The following DNM2 variants were observed in gnomAD, a reference collection of about 807,000 sequenced individuals.
DNM2 encodes the protein dynamin-2.
Under a neutral mutation model 99.0 loss-of-function variants are expected in DNM2, and 15 were observed. The ratio of observed to expected loss-of-function variants is 0.15; its 90% CI spans 0.10 to 0.23. DNM2 has a LOEUF of 0.23. DNM2 is among the 10% of genes least tolerant of loss of function. The pLI, the probability that DNM2 is intolerant of heterozygous loss-of-function variation, is 1.00. For missense variants in DNM2, 742 were observed against 1,189.4 expected, an observed-to-expected ratio of 0.62 and a Z score of 5.53; for synonymous variants, 525 against 481.2, an observed-to-expected ratio of 1.09 and a Z score of -1.19.
chr19:10,733,447 C>G (rs1437458713), intron 1 of DNM2, among the ~76,000 whole-genome samples: 2 of 151,930 alleles, frequency 1.3e-5, no homozygotes, highest in African/African-American at 4.8e-5. Flanking sequence ...CCTGCCTCAG[C>G]CTCCCAAAGT....
intron 18 of DNM2, among the ~76,000 whole-genome samples, chr19:10,825,816 T>C (rs546971565): frequency 1.4e-5 from 2 of 143,196 alleles, no homozygotes; most frequent in Non-Finnish European, 3.0e-5. Context: ...ATCGTGCCAC[T>C]GCACTCCAGC....
Position 10,779,984 on chromosome 19 carries a change from C to T in DNM2, c.688+2768C>T, listed in dbSNP as rs192551136. On this transcript the variant is annotated intron_variant, in intron 5 of 20. Coordinates refer to ENST00000389253, the MANE Select transcript of DNM2 (RefSeq NM_001005361.3). ...TTGTGTTTTTTTAAAGCCATTCCTC[C>T]CCTCTGGCATCTACTCTAAGCTGCG... 1.4e-3 allele frequency among the ~76,000 whole-genome samples: 212 copies of T among 152,216 alleles called. 1 individual carries two copies. Among genetic ancestry groups the T allele is most frequent in the African/African-American group, 4.8e-3 (200 of 41,550 alleles).
In DNM2 at chr19:10,796,094, G is replaced by A. The variant is rs752497841; in HGVS notation, c.1196+655G>A. On this transcript the variant is annotated intron_variant, in intron 9 of 20. Coordinates refer to ENST00000389253, the MANE Select transcript of DNM2 (RefSeq NM_001005361.3). The surrounding 1 kb of genome is among the most constrained non-coding windows in gnomAD (Gnocchi z 5.6). ...TTTTCACCCCGGACTTGGCATTCGA[G>A]GCCATTGTGAAAAAGCAGGTCGTCA... The A allele has an allele frequency of 2.5e-6, 4 of 1,614,062 alleles. No individual in the cohort carries two copies. Among genetic ancestry groups the A allele is most frequent in the Non-Finnish European group, 1.7e-6 (2 of 1,180,026 alleles).
chr19:10,731,836 C>G (rs544720592), intron 1 of DNM2, among the ~76,000 whole-genome samples: 12 of 152,386 alleles, frequency 7.9e-5, no homozygotes, highest in African/African-American at 2.4e-4. Flanking sequence ...TCTGTGGTGC[C>G]TGCCCTGGTG....
At chr19:10,751,391 T>C (rs1039065135) in intron 1 of DNM2, among the ~76,000 whole-genome samples, 5 of 152,044 alleles carry the variant, frequency 3.3e-5, no homozygotes, top group African/African-American at 4.8e-5. Context: ...ACTCTCAGAA[T>C]GCGGATGGGA....
chr19:10,775,734 T>A lies in DNM2; in HGVS notation c.417T>A (p.Gly139=), dbSNP rs1251651902. Reference sequence around the variant, plus strand: ...ACTTGACCCTCATCGACCTCCCGGGTATCACCAAGGTGCCTGTGGGCGACC... The same window carrying A: ...ACTTGACCCTCATCGACCTCCCGGGAATCACCAAGGTGCCTGTGGGCGACC... The part of the protein sequence containing the change: ...VLNLTLIDLP[G]ITKVPVGDQP... The change falls in exon 4 of 21, where the codon GGT becomes GGA. Residue 139 remains glycine (G), a synonymous_variant. Transcript: ENST00000389253. This position sits in a 1 kb window ranked among gnomAD's most constrained non-coding sequence, Gnocchi z 4.3. 1.9e-6 allele frequency: 3 copies of A among 1,613,982 alleles called. No individual in the cohort carries two copies. Among genetic ancestry groups the A allele is most frequent in the East Asian group, 4.5e-5 (2 of 44,854 alleles).
chr19:10,782,941 T>C lies in DNM2; in HGVS notation c.689-19T>C, dbSNP rs746698179. 17 of 1,613,860 alleles carry C rather than the reference T, an allele frequency of 1.1e-5. No homozygotes were observed. The African/African-American group carries it at 2.1e-4, about 20-fold the overall frequency. On this transcript the variant is annotated intron_variant, in intron 5 of 20. Transcript: ENST00000389253. Reference sequence around the variant, plus strand: ...GGCTCACCTAGCTTTGCCCCTGACCTGACTGCCTCTCCCCACAGGCTACAT... The same window carrying C: ...GGCTCACCTAGCTTTGCCCCTGACCCGACTGCCTCTCCCCACAGGCTACAT...
At chr19:10,814,971 C>T (rs1401092734) in intron 15 of DNM2, among the ~76,000 whole-genome samples, 1 of 152,222 alleles carries the variant, frequency 6.6e-6, no homozygotes, top group Non-Finnish European at 1.5e-5. Flanking sequence ...GTGTTTTTCT[C>T]ATTGTCCTGG....
chr19:10,775,659 C>G lies in DNM2; in HGVS notation c.386-44C>G. The stretch of plus-strand genomic sequence containing the variant: ...TGGCTGCGGGCCTGTTTGTGCCTCC[C>G]CTCTCCTGGCTCTGAATGCCTTTCC... On this transcript the variant is annotated intron_variant, in intron 3 of 20. Transcript: ENST00000389253. This position sits in a 1 kb window ranked among gnomAD's most constrained non-coding sequence, Gnocchi z 4.3. The G allele has an allele frequency of 6.2e-7, 1 of 1,611,826 alleles. No homozygotes were observed. Among genetic ancestry groups the G allele is most frequent in the African/African-American group, 1.3e-5 (1 of 75,000 alleles).
intron 1 of DNM2, among the ~76,000 whole-genome samples, chr19:10,723,857 C>T (rs2069021634): frequency 6.6e-6 from 1 of 152,118 alleles, no homozygotes; most frequent in African/African-American, 2.4e-5. Flanking sequence ...TCTTTGGGAT[C>T]CAGGCGGGAG....
chr19:10,800,558 C>T (rs766336572), intron 11 of DNM2, among the ~76,000 whole-genome samples: 15 of 152,228 alleles, frequency 9.9e-5, no homozygotes, highest in East Asian at 1.9e-4. Flanking sequence ...AAACCAGCCA[C>T]GCTCGCTCCC....
chr19:10,753,669 T>TC (rs748422001), intron 1 of DNM2, among the ~76,000 whole-genome samples: 15 of 151,784 alleles, frequency 9.9e-5, no homozygotes, highest in Non-Finnish European at 1.8e-4. Context: ...TTTGTTTTTT[T>TC]CCCCCGAGAC....
chr19:10,787,941 A>T (rs2071620883), intron 7 of DNM2, among the ~76,000 whole-genome samples: 1 of 151,670 alleles, frequency 6.6e-6, no homozygotes, highest in African/African-American at 2.4e-5. Flanking sequence ...AAAAAAAAAG[A>T]TGAGTGTTGG....
chr19:10,772,623 C>G lies in DNM2; in HGVS notation c.380C>G (p.Pro127Arg). ...CCCATCAACCTTCGAGTCTACTCGC[C>G]ACACGGTAGGCAGCACGGGTGGGGA... Reference protein sequence around the residue: ...PVPINLRVYSPHVLNLTLIDL... With the variant: ...PVPINLRVYSRHVLNLTLIDL... Residue 127 changes from proline (P) to arginine (R), a missense_variant, in exon 3 of 21, where the codon CCA becomes CGA. By Grantham distance (103) the Pro-to-Arg change is moderately radical. Transcript: ENST00000389253. This position sits in a 1 kb window ranked among gnomAD's most constrained non-coding sequence, Gnocchi z 4.9. The G allele has an allele frequency of 6.2e-7, 1 of 1,614,160 alleles. No homozygotes were observed. Among genetic ancestry groups the G allele is most frequent in the Non-Finnish European group, 8.5e-7 (1 of 1,180,030 alleles).
chr19:10,772,367 C>T lies in DNM2; in HGVS notation c.236-112C>T, dbSNP rs1409073532. 2.1e-6 allele frequency: 3 copies of T among 1,447,120 alleles called. No individual in the cohort carries two copies. Among genetic ancestry groups the T allele is most frequent in the African/African-American group, 2.8e-5 (2 of 71,444 alleles). 89.6% of individuals were successfully genotyped at this position (1,447,120 alleles called of 1,614,324 possible). ...GTGCTGGGATTACAGGCGTGAGCTA[C>T]TGTGCCCAGCCTGGGTCATTACTTT... On this transcript the variant is annotated intron_variant, in intron 2 of 20. Coordinates refer to ENST00000389253, the MANE Select transcript of DNM2 (RefSeq NM_001005361.3). The surrounding 1 kb of genome is among the most constrained non-coding windows in gnomAD (Gnocchi z 4.9).
At position 10,811,314 on chromosome 19, in the gene DNM2, CG is replaced by C. The variant is rs2072535059; in HGVS notation, c.1558-948del. On this transcript the variant is annotated intron_variant, in intron 14 of 20. Transcript: ENST00000389253. The surrounding 1 kb of genome is among the most constrained non-coding windows in gnomAD (Gnocchi z 5.4). The stretch of plus-strand genomic sequence containing the variant: ...AGGCCCGGGGTGGGTCGGGGTAGTC[CG>C]GATGAAGCCCCTCCAGAGGACCGCC... The C allele has an allele frequency of 4.9e-6, 1 of 205,432 alleles. No homozygotes were observed. The highest frequency in any genetic ancestry group is 1.0e-5 in the Non-Finnish European group (1 of 98,458). The allele number at this position is 205,432 out of a possible 1,614,324, so 12.7% of individuals were successfully genotyped here. A position where few individuals can be genotyped will look rare whatever the true frequency, so the allele number is the denominator to read the frequency against.
At chr19:10,782,309 C>T (rs2071404693) in intron 5 of DNM2, among the ~76,000 whole-genome samples, 2 of 152,038 alleles carry the variant, frequency 1.3e-5, no homozygotes, top group Admixed American at 6.6e-5. Flanking sequence ...GTTGGAATTA[C>T]AGGCGTGAGC....
chr19:10,803,939 T>C (rs1599586464), intron 12 of DNM2, among the ~76,000 whole-genome samples: 1 of 151,964 alleles, frequency 6.6e-6, no homozygotes, highest in East Asian at 1.9e-4. Context: ...GGGTAGGGGA[T>C]AGACTATGGG....
In DNM2 at chr19:10,817,993, C is replaced by T. The variant is rs1354990033; in HGVS notation, c.1672-1987C>T. On this transcript the variant is annotated intron_variant, in intron 15 of 20. Coordinates refer to ENST00000389253, the MANE Select transcript of DNM2 (RefSeq NM_001005361.3). This position sits in a 1 kb window ranked among gnomAD's most constrained non-coding sequence, Gnocchi z 4.6. ...GCGTGATATGATAGGGTCAGGGCAGCAAAGGCCCTTGGGCAAACGTCCGAG... is the reference window on the plus strand; with the variant it reads ...GCGTGATATGATAGGGTCAGGGCAGTAAAGGCCCTTGGGCAAACGTCCGAG... Among the ~76,000 whole-genome samples the T allele has an allele frequency of 1.3e-5, 2 of 152,078 alleles. No homozygotes were observed. The highest frequency in any genetic ancestry group is 2.9e-5 in the Non-Finnish European group (2 of 68,004).
Sources: allele counts gnomAD v4.1 joint callset (sites outside exome capture counted in the v4.1 genomes callset), GRCh38; gene constraint gnomAD v4.1.1; non-coding constraint Gnocchi (gnomAD v3.1); transcripts MANE v1.5; gene names NCBI Gene and HGNC (gene_info 2026-07-23, HGNC 2026-07-21).